The following HK2 variants were observed in gnomAD, a reference collection of about 807,000 sequenced individuals.
HK2 encodes the protein hexokinase 2.
In HK2, 42 loss-of-function variants were observed where a neutral mutation model predicts 92.9. The observed-to-expected ratio is 0.45, with a 90% confidence interval of 0.35 to 0.58. The LOEUF (loss-of-function observed/expected upper bound fraction) is 0.58. Ranked by LOEUF, HK2 falls within the 20% of genes least tolerant of loss-of-function variation. The probability of loss-of-function intolerance (pLI) is 0.00; values close to 1 mark genes in which losing one functional copy is unlikely to be tolerated. For synonymous variants in HK2, 422 were observed against 468.0 expected (o/e 0.90, Z 1.27); for missense variants, 978 against 1,245.1 (o/e 0.79, Z 3.23).
Position 74,846,535 on chromosome 2 carries a change from C to A in HK2, c.64-7758C>A, listed in dbSNP as rs1019937506. On this transcript the variant is annotated intron_variant, in intron 1 of 17. Transcript: ENST00000290573. ...AGACTCATACAGGATATAAAAGATG[C>A]CATTTGTGTCTGGCATTTTTCAGCC... Among the ~76,000 whole-genome samples, 9 of 152,270 alleles carry A rather than the reference C, an allele frequency of 5.9e-5. 1 individual carries two copies. The South Asian group carries it at 1.0e-3, about 18-fold the overall frequency.
At chr2:74,887,820 G>T in intron 15 of HK2, 83 bp from the exon 16 acceptor site, 2 of 1,289,674 alleles carry the variant, frequency 1.6e-6, no homozygotes, top group Non-Finnish European at 2.3e-6. Context: ...TGATGCACTG[G>T]GGGTGACTAA....
At chr2:74,871,322 A>G (rs1462510120) in intron 3 of HK2, among the ~76,000 whole-genome samples, 1 of 151,984 alleles carries the variant, frequency 6.6e-6, no homozygotes, top group Non-Finnish European at 1.5e-5. Context: ...AGGATAGTTG[A>G]CCTCTTATCC....
chr2:74,844,560 A>C (rs1321242183), intron 1 of HK2, among the ~76,000 whole-genome samples: 1 of 152,210 alleles, frequency 6.6e-6, no homozygotes, highest in Non-Finnish European at 1.5e-5. Flanking sequence ...TGGATGGGGC[A>C]GACTGGGACA....
chr2:74,877,023 T>C, intron 7 of HK2, 143 bp from the exon 8 acceptor site: 1 of 1,096,188 alleles, frequency 9.1e-7, no homozygotes, highest in Non-Finnish European at 1.4e-6. Flanking sequence ...CCGTCACCTC[T>C]CCACGTATCT....
At chr2:74,861,830 G>A (rs190316097) in intron 2 of HK2, among the ~76,000 whole-genome samples, 19 of 152,310 alleles carry the variant, frequency 1.2e-4, no homozygotes, top group African/African-American at 4.3e-4. Context: ...TAGAAATGAA[G>A]TAACTGTGGT....
chr2:74,839,980 G>A (rs1186206523), intron 1 of HK2, among the ~76,000 whole-genome samples: 1 of 106,280 alleles, frequency 9.4e-6, no homozygotes, highest in African/African-American at 3.8e-5. Context: ...TTTTGAGATG[G>A]AGTCTCACTC....
In HK2 at chr2:74,834,371, G is replaced by C; in HGVS notation, c.-210G>C. 1 of 630,284 alleles carries C rather than the reference G, an allele frequency of 1.6e-6. No individual in the cohort carries two copies. The allele number at this position is 630,284 out of a possible 1,614,324, so 39.0% of individuals were successfully genotyped here. A position where few individuals can be genotyped will look rare whatever the true frequency, so the allele number is the denominator to read the frequency against. On this transcript the variant is annotated 5_prime_UTR_variant, in exon 1 of 18. Coordinates refer to ENST00000290573, the MANE Select transcript of HK2 (RefSeq NM_000189.5). This position sits in a 1 kb window ranked among gnomAD's most constrained non-coding sequence, Gnocchi z 4.2. ...GAGAGAACTGAGGCGCCTTCTAGCA[G>C]TTGTGACGCCAAAATCACGTCTCCG...
chr2:74,836,929 G>A lies in HK2; in HGVS notation c.63+2286G>A, dbSNP rs2103819061. 2.0e-5 allele frequency among the ~76,000 whole-genome samples: 3 copies of A among 152,332 alleles called. 1 individual carries two copies. ...ATATTCTGGGTTGTAGTCTGAGGAC[G>A]TGGAAGGCTTGGGTTCACCTGCCCA... On this transcript the variant is annotated intron_variant, in intron 1 of 17. Transcript: ENST00000290573.
intron 1 of HK2, among the ~76,000 whole-genome samples, chr2:74,851,955 C>G (rs1688581559): frequency 6.6e-6 from 1 of 152,208 alleles, no homozygotes; most frequent in African/African-American, 2.4e-5. Context: ...TCCAGGCAGG[C>G]AGGGGGCAGT....
chr2:74,893,165 T>C lies in HK2; in HGVS notation c.*2224T>C, dbSNP rs911464196. On this transcript the variant is annotated 3_prime_UTR_variant, in exon 18 of 18. Transcript: ENST00000290573. The stretch of plus-strand genomic sequence containing the variant: ...TCTCAGAATCAGGTTGACAGTCCCT[T>C]GCTGACATGGCTTTGCTTTGTGTAA... The C allele has an allele frequency of 6.6e-5, 10 of 152,146 alleles. No individual in the cohort carries two copies. Among genetic ancestry groups the C allele is most frequent in the African/African-American group, 2.4e-4 (10 of 41,434 alleles). The allele number at this position is 152,146 out of a possible 1,614,324, so 9.4% of individuals were successfully genotyped here. A position where few individuals can be genotyped will look rare whatever the true frequency, so the allele number is the denominator to read the frequency against.
chr2:74,879,958 A>G (rs1689340697), intron 9 of HK2, among the ~76,000 whole-genome samples: 1 of 152,228 alleles, frequency 6.6e-6, no homozygotes, highest in African/African-American at 2.4e-5. Flanking sequence ...GCAAGGGAGC[A>G]GTGGCCAGGG....
At chr2:74,847,970 T>C (rs1211386872) in intron 1 of HK2, among the ~76,000 whole-genome samples, 1 of 152,206 alleles carries the variant, frequency 6.6e-6, no homozygotes, top group Admixed American at 6.5e-5. Flanking sequence ...GTGATAGAAC[T>C]AAACCTATGA....
intron 12 of HK2, among the ~76,000 whole-genome samples, chr2:74,885,129 G>C (rs1262330776): frequency 6.6e-6 from 1 of 152,214 alleles, no homozygotes; most frequent in Non-Finnish European, 1.5e-5. Flanking sequence ...CCATTCACTG[G>C]GGTCGGAGGG....
intron 15 of HK2, 41 bp from the exon 16 acceptor site, chr2:74,887,862 A>C: frequency 6.2e-7 from 1 of 1,607,150 alleles, no homozygotes; most frequent in Non-Finnish European, 8.5e-7. Context: ...ACATCCCTCC[A>C]CCTTCCTACT....
At chr2:74,838,025 AC>A (rs1057115027) in intron 1 of HK2, among the ~76,000 whole-genome samples, 2 of 150,908 alleles carry the variant, frequency 1.3e-5, no homozygotes, top group African/African-American at 4.9e-5. Flanking sequence ...TTTCCACTTA[AC>A]CCCTTCCAGC....
chr2:74,880,209 G>T, intron 9 of HK2, 56 bp from the exon 10 acceptor site: 2 of 1,588,696 alleles, frequency 1.3e-6, no homozygotes, highest in Non-Finnish European at 1.7e-6. Flanking sequence ...CTAACTATTT[G>T]CACCATTGAC....
intron 6 of HK2, 78 bp from the exon 7 acceptor site, chr2:74,874,188 G>T: frequency 6.4e-7 from 1 of 1,572,284 alleles, no homozygotes; most frequent in Non-Finnish European, 8.7e-7. Context: ...GGGCAGTCTC[G>T]GGACAGTAGT....
intron 2 of HK2, among the ~76,000 whole-genome samples, chr2:74,856,859 C>T (rs754427982): frequency 4.3e-4 from 65 of 152,198 alleles, no homozygotes; most frequent in Non-Finnish European, 8.7e-4. Context: ...AGCCTGTGCA[C>T]TTGGCGCTGG....
In HK2 at chr2:74,892,611, A is replaced by G. The variant is rs1325976993; in HGVS notation, c.*1670A>G. The G allele has an allele frequency of 6.6e-6, 1 of 152,218 alleles. No homozygotes were observed. The highest frequency in any genetic ancestry group is 1.9e-4 in the East Asian group (1 of 5,206). The allele number at this position is 152,218 out of a possible 1,614,324, so 9.4% of individuals were successfully genotyped here. On this transcript the variant is annotated 3_prime_UTR_variant, in exon 18 of 18. Coordinates refer to ENST00000290573, the MANE Select transcript of HK2 (RefSeq NM_000189.5). ...AGCACAGACATTAAACCTGGATACTATATGATAAAGAGGGATGTAACTATT... is the reference window on the plus strand; with the variant it reads ...AGCACAGACATTAAACCTGGATACTGTATGATAAAGAGGGATGTAACTATT...
Sources: gnomAD v4.1 joint callset for allele counts (sites outside exome capture counted in the v4.1 genomes callset) on GRCh38, gnomAD v4.1.1 for gene constraint, Gnocchi (gnomAD v3.1) non-coding constraint, MANE v1.5 for transcripts, NCBI Gene and HGNC (gene_info 2026-07-23, HGNC 2026-07-21) for gene names.